Variants in RARB observed in about 807,000 individuals in gnomAD.
RARB encodes HBV-activated protein.
A neutral mutation model predicts 51.9 loss-of-function variants in RARB; 17 were observed. That is an observed-to-expected ratio of 0.33 (90% CI 0.22 to 0.49). The LOEUF (loss-of-function observed/expected upper bound fraction) is 0.49. RARB is among the 20% of genes least tolerant of loss of function. The probability of loss-of-function intolerance (pLI) is 0.99; values close to 1 mark genes in which losing one functional copy is unlikely to be tolerated. For synonymous variants in RARB, 215 were observed against 195.4 expected (o/e 1.10, Z -0.84); for missense variants, 369 against 550.8 (o/e 0.67, Z 3.30).
chr3:24,844,965 G>A lies in RARB; in HGVS notation c.-458-13709G>A, dbSNP rs532698414. Among the ~76,000 whole-genome samples, 3 of 152,222 alleles carry A rather than the reference G, an allele frequency of 2.0e-5. No individual in the cohort carries two copies. The South Asian group carries it at 6.2e-4, about 32-fold the overall frequency. On this transcript the variant is annotated intron_variant, in intron 1 of 11. Transcript: ENST00000383772. ...ACAATGACCAACGTCTTCCTCTTCA[G>A]CAAACTCCTCTGTCCTTGCTGCAAA...
chr3:25,435,575 G>C (rs939196200), intron 1 of RARB, among the ~76,000 whole-genome samples: 1 of 152,258 alleles, frequency 6.6e-6, no homozygotes, highest in Admixed American at 6.5e-5. Flanking sequence ...TGGAGGCAGC[G>C]AAATTCAGTT....
chr3:25,126,576 C>T (rs1310872290), intron 3 of RARB, among the ~76,000 whole-genome samples: 1 of 152,052 alleles, frequency 6.6e-6, no homozygotes, highest in Non-Finnish European at 1.5e-5. Flanking sequence ...TGCACATGAA[C>T]AAAGCAGATT....
At chr3:25,367,061 A>G (rs1706143430) in intron 5 of RARB, among the ~76,000 whole-genome samples, 1 of 152,188 alleles carries the variant, frequency 6.6e-6, no homozygotes, top group African/African-American at 2.4e-5. Flanking sequence ...AAGAGTTCAT[A>G]TTCCATCTTT....
intron 5 of RARB, among the ~76,000 whole-genome samples, chr3:25,312,470 C>G (rs1262694044): frequency 1.3e-5 from 2 of 152,050 alleles, no homozygotes; most frequent in Admixed American, 6.5e-5. Flanking sequence ...CCTTCTAACT[C>G]CTCTGGTCAA....
intron 5 of RARB, among the ~76,000 whole-genome samples, chr3:25,285,735 T>G (rs549813869): frequency 6.6e-6 from 1 of 152,278 alleles, no homozygotes; most frequent in Non-Finnish European, 1.5e-5. Context: ...ATTTTACCAA[T>G]GAGAGGGTTC....
chr3:25,101,919 G>A (rs1699407661), intron 3 of RARB, among the ~76,000 whole-genome samples: 1 of 151,918 alleles, frequency 6.6e-6, no homozygotes, highest in Non-Finnish European at 1.5e-5. Flanking sequence ...GTTTTGATTT[G>A]TAACTCTTTA....
rs575085531 is a variant in RARB at position 25,576,363 on chromosome 3, C to T, written c.610-4183C>T. On this transcript the variant is annotated intron_variant, in intron 4 of 7. Transcript: ENST00000330688. ...TTTGATCTTTCTCAGATATGCCCTG[C>T]AGCTCCAGAAGGCATTCGTGGCCCC... Among the ~76,000 whole-genome samples the T allele has an allele frequency of 3.9e-5, 6 of 152,290 alleles. No homozygotes were observed. In the East Asian group the frequency reaches 9.7e-4, roughly 25 times the overall value.
chr3:25,065,974 C>A (rs1369223802), intron 3 of RARB, among the ~76,000 whole-genome samples: 1 of 151,960 alleles, frequency 6.6e-6, no homozygotes, highest in Non-Finnish European at 1.5e-5. Flanking sequence ...TTCTATGAGT[C>A]ATTAACTAGT....
intron 5 of RARB, among the ~76,000 whole-genome samples, chr3:25,309,603 T>C (rs1303286717): frequency 2.8e-5 from 4 of 142,514 alleles, no homozygotes; most frequent in East Asian, 4.8e-4. Context: ...GTTCAAGCAA[T>C]TCACCTGCCT....
chr3:24,854,884 T>G (rs1430862658), intron 1 of RARB, among the ~76,000 whole-genome samples: 2 of 152,194 alleles, frequency 1.3e-5, no homozygotes, highest in African/African-American at 2.4e-5. Context: ...ATCTGCTGAC[T>G]GGCACCACTA....
intron 5 of RARB, among the ~76,000 whole-genome samples, chr3:25,250,039 T>C (rs961864753): frequency 6.6e-6 from 1 of 152,058 alleles, no homozygotes; most frequent in Non-Finnish European, 1.5e-5. Context: ...TTAATGGCAG[T>C]AGCAGTGGTA....
intron 2 of RARB, among the ~76,000 whole-genome samples, chr3:24,890,178 C>G (rs777590532): frequency 6.6e-6 from 1 of 152,134 alleles, no homozygotes; most frequent in Non-Finnish European, 1.5e-5. Context: ...TCTAAAAGCA[C>G]GAGTCTTTAA....
chr3:24,981,871 C>T (rs1696682548), intron 2 of RARB, among the ~76,000 whole-genome samples: 1 of 152,216 alleles, frequency 6.6e-6, no homozygotes, highest in Admixed American at 6.5e-5. Flanking sequence ...CTGCCTCTAT[C>T]TCCCTGGGAG....
At chr3:24,879,361 G>A (rs918089706) in intron 2 of RARB, among the ~76,000 whole-genome samples, 4 of 151,870 alleles carry the variant, frequency 2.6e-5, no homozygotes, top group Admixed American at 6.6e-5. Flanking sequence ...CCCGGGAGGC[G>A]GAGCTTGCAG....
intron 5 of RARB, among the ~76,000 whole-genome samples, chr3:25,584,408 G>T (rs1701301961): frequency 6.6e-6 from 1 of 152,178 alleles, no homozygotes; most frequent in Admixed American, 6.5e-5. Context: ...AGGAGGGCTG[G>T]GGCTTGTTTC....
intron 1 of RARB, among the ~76,000 whole-genome samples, chr3:25,448,595 G>T (rs1302411433): frequency 6.6e-6 from 1 of 152,086 alleles, no homozygotes; most frequent in Non-Finnish European, 1.5e-5. Context: ...AGCCTCCCGA[G>T]TAGCTGGGAT....
At chr3:25,174,987 T>C (rs117794377) in intron 5 of RARB, among the ~76,000 whole-genome samples, 1 of 152,212 alleles carries the variant, frequency 6.6e-6, no homozygotes, top group African/African-American at 2.4e-5. Flanking sequence ...TCTGAATCTT[T>C]TACTTGTTTC....
At chr3:24,963,890 G>A (rs1696197784) in intron 2 of RARB, among the ~76,000 whole-genome samples, 1 of 87,106 alleles carries the variant, frequency 1.1e-5, no homozygotes, top group Non-Finnish European at 3.1e-5. Flanking sequence ...CATTTTGGTA[G>A]AAAAAAAAAC....
At chr3:25,363,096 G>A (rs370182227) in intron 5 of RARB, among the ~76,000 whole-genome samples, 1 of 152,152 alleles carries the variant, frequency 6.6e-6, no homozygotes, top group Non-Finnish European at 1.5e-5. Context: ...TAGGCAAAAC[G>A]AAGAGTGCAA....
Sources: gnomAD v4.1 joint callset for allele counts (sites outside exome capture counted in the v4.1 genomes callset) on GRCh38, gnomAD v4.1.1 for gene constraint, MANE v1.5 for transcripts, NCBI Gene and HGNC (gene_info 2026-07-23, HGNC 2026-07-21) for gene names.